The following LMTK2 variants were observed in gnomAD, a reference collection of about 807,000 sequenced individuals.
The protein encoded by LMTK2 is serine/threonine-protein kinase LMTK2.
A neutral mutation model predicts 127.5 loss-of-function variants in LMTK2; 37 were observed. The ratio of observed to expected loss-of-function variants is 0.29; its 90% CI spans 0.22 to 0.38. The LOEUF is 0.38. Ranked by LOEUF, LMTK2 falls within the 10% of genes least tolerant of loss-of-function variation. The probability of loss-of-function intolerance (pLI) is 1.00; values close to 1 mark genes in which losing one functional copy is unlikely to be tolerated. For missense variants in LMTK2, 1,694 were observed against 1,920.3 expected (o/e 0.88, Z 2.20); for synonymous variants, 819 against 810.1 (o/e 1.01, Z -0.19).
At position 98,193,642 on chromosome 7, in the gene LMTK2, G is replaced by A. The variant is rs201178237; in HGVS notation, c.3177G>A (p.Thr1059=). The change falls in exon 11 of 14, where the codon ACG becomes ACA. Residue 1059 remains threonine, a synonymous_variant. Transcript: ENST00000297293. The surrounding 1 kb of genome is among the most constrained non-coding windows in gnomAD (Gnocchi z 4.1). ...EGTADSEPAT[T]GDGGHSGLPP... is the part of the protein sequence containing the mutation. ...CCGCAGACTCAGAACCAGCCACCAC[G>A]GGCGATGGCGGCCACAGCGGTCTGC... The A allele has an allele frequency of 3.7e-6, 6 of 1,613,978 alleles. No homozygotes were observed. In the African/African-American group the frequency reaches 4.0e-5, roughly 11 times the overall value.
chr7:98,197,409 C>T (rs903695414), intron 11 of LMTK2, among the ~76,000 whole-genome samples: 3 of 152,382 alleles, frequency 2.0e-5, no homozygotes, highest in East Asian at 1.9e-4. Context: ...TGCACCTTTA[C>T]AATCTGCAGC....
intron 5 of LMTK2, among the ~76,000 whole-genome samples, chr7:98,157,927 G>A (rs1298291017): frequency 6.6e-6 from 1 of 152,188 alleles, no homozygotes; most frequent in African/African-American, 2.4e-5. Context: ...CTGGCATGGA[G>A]CCCTGCACAC....
chr7:98,177,910 C>T (rs1797299367), intron 7 of LMTK2, among the ~76,000 whole-genome samples: 3 of 152,222 alleles, frequency 2.0e-5, no homozygotes, highest in African/African-American at 7.2e-5. Context: ...TCTCCTGGTA[C>T]GTCTCCATCC....
At chr7:98,107,928 T>G (rs948573759) in intron 1 of LMTK2, among the ~76,000 whole-genome samples, 3 of 152,142 alleles carry the variant, frequency 2.0e-5, no homozygotes, top group Non-Finnish European at 4.4e-5. Context: ...TGTATGATTT[T>G]CTTTTCTCCC....
rs1797598958 is a variant in LMTK2, at chr7:98,194,609, C to T, written c.4107+37C>T. ...CTCTAAATCATTTTCTATACACATC[C>T]ATATAAGGATTCCAAAATGTGCTAG... is the stretch of plus-strand genomic sequence containing the variant. On this transcript the variant is annotated intron_variant, in intron 11 of 13. Transcript: ENST00000297293. This position sits in a 1 kb window ranked among gnomAD's most constrained non-coding sequence, Gnocchi z 5.4. 2 of 1,511,638 alleles carry T rather than the reference C, an allele frequency of 1.3e-6. No individual in the cohort carries two copies. The highest frequency in any genetic ancestry group is 1.8e-6 in the Non-Finnish European group (2 of 1,126,272). 93.6% of individuals were successfully genotyped at this position (1,511,638 alleles called of 1,614,324 possible).
At chr7:98,165,962 G>A (rs117041094) in intron 6 of LMTK2, among the ~76,000 whole-genome samples, 1,851 of 152,230 alleles carry the variant, frequency 0.012, 17 homozygotes, top group Admixed American at 0.02. Context: ...GGGGGTGATT[G>A]GGTCGGGGGT....
chr7:98,208,117 AAAC>A lies in LMTK2; in HGVS notation c.*2628_*2630del, dbSNP rs1251141448. 2 of 152,058 alleles carry A rather than the reference AAAC, an allele frequency of 1.3e-5. No homozygotes were observed. The highest frequency in any genetic ancestry group is 6.6e-5 in the Admixed American group (1 of 15,260). The allele number at this position is 152,058 out of a possible 1,614,324, so 9.4% of individuals were successfully genotyped here. Reference sequence around the variant, plus strand: ...CAGCCAGACCCTGTCTCAAAAAAAAAAACAATTTTTTTCATAACATAATTCCCA... The same window carrying A: ...CAGCCAGACCCTGTCTCAAAAAAAAAAATTTTTTTCATAACATAATTCCCA... On this transcript the variant is annotated 3_prime_UTR_variant, in exon 14 of 14. Coordinates refer to ENST00000297293, the MANE Select transcript of LMTK2 (RefSeq NM_014916.4).
intron 1 of LMTK2, among the ~76,000 whole-genome samples, chr7:98,109,933 G>C (rs1796176297): frequency 6.6e-6 from 1 of 151,994 alleles, no homozygotes; most frequent in Admixed American, 6.6e-5. Context: ...GGTTAAAAAA[G>C]AGGAATCCCG....
chr7:98,163,912 A>C (rs917545341), intron 6 of LMTK2, among the ~76,000 whole-genome samples: 1 of 152,224 alleles, frequency 6.6e-6, no homozygotes, highest in Non-Finnish European at 1.5e-5. Flanking sequence ...AGGACCGGCT[A>C]TCGCTGCCTG....
At chr7:98,150,613 G>T (rs573806337) in intron 3 of LMTK2, among the ~76,000 whole-genome samples, 4 of 152,322 alleles carry the variant, frequency 2.6e-5, no homozygotes, top group African/African-American at 9.6e-5. Flanking sequence ...ATGAATGTCT[G>T]TCCACTTGTG....
intron 4 of LMTK2, 76 bp from the exon 5 acceptor site, chr7:98,154,682 C>T (rs2116392959): frequency 1.1e-6 from 1 of 907,708 alleles, no homozygotes; most frequent in East Asian, 2.4e-5. Context: ...CACCTGTGTT[C>T]CATTTCCCGG....
At chr7:98,165,509 G>A (rs907526544) in intron 6 of LMTK2, among the ~76,000 whole-genome samples, 5 of 152,100 alleles carry the variant, frequency 3.3e-5, no homozygotes, top group Non-Finnish European at 7.4e-5. Flanking sequence ...TAGAAATGGG[G>A]TCTCACTATA....
chr7:98,197,923 T>C (rs1262744730), intron 11 of LMTK2, among the ~76,000 whole-genome samples: 4 of 152,314 alleles, frequency 2.6e-5, no homozygotes, highest in Non-Finnish European at 5.9e-5. Context: ...GTTTTGTTTG[T>C]TTGCTGGCAC....
chr7:98,116,825 G>T (rs1188813019), intron 1 of LMTK2, among the ~76,000 whole-genome samples: 1 of 152,120 alleles, frequency 6.6e-6, no homozygotes, highest in East Asian at 1.9e-4. Flanking sequence ...TATGCCCCTT[G>T]GGCTCCCCCA....
At position 98,203,583 on chromosome 7, in the gene LMTK2, A is replaced by C; in HGVS notation, c.4117A>C (p.Thr1373Pro). 1.3e-6 allele frequency: 2 copies of C among 1,587,034 alleles called. No homozygotes were observed. Among genetic ancestry groups the C allele is most frequent in the Non-Finnish European group, 1.7e-6 (2 of 1,172,144 alleles). ...TVYLFDQETP[T>P]KELGPCGGEA... ...CTGTTTGACTTTTCAGGAGACCCCAACCAAAGAGCTGGGGCCCTGTGGAGG... is the reference window on the plus strand; with the variant it reads ...CTGTTTGACTTTTCAGGAGACCCCACCCAAAGAGCTGGGGCCCTGTGGAGG... Residue 1373 changes from threonine to proline, a missense_variant, in exon 12 of 14, where the codon ACC (threonine) becomes CCC (proline). Thr to Pro is a conservative substitution (Grantham distance 38, BLOSUM62 -1). This residue lies in a region of LMTK2 where 554 missense variants were observed against 567.7 expected (regional missense o/e 0.98). Coordinates refer to ENST00000297293, the MANE Select transcript of LMTK2 (RefSeq NM_014916.4).
At chr7:98,205,203 T>C (rs928277694) in intron 13 of LMTK2, among the ~76,000 whole-genome samples, 1 of 152,244 alleles carries the variant, frequency 6.6e-6, no homozygotes, top group South Asian at 2.1e-4. Flanking sequence ...TGCCAGTCTG[T>C]CGGGGCAGAT....
Position 98,193,909 on chromosome 7 carries a change from C to T in LMTK2, c.3444C>T (p.Ala1148=), listed in dbSNP as rs1384441450. 1 of 1,614,140 alleles carries T rather than the reference C, an allele frequency of 6.2e-7. No individual in the cohort carries two copies. Among genetic ancestry groups the T allele is most frequent in the Non-Finnish European group, 8.5e-7 (1 of 1,180,036 alleles). ...EPVLPEQSPA[A]QDSCLEARKS... is the part of the protein sequence containing the mutation. ...TCCTCCCCGAGCAAAGTCCTGCTGC[C>T]CAGGATAGCTGCCTGGAAGCCAGAA... The change falls in exon 11 of 14, where the codon GCC becomes GCT. Residue 1148 remains alanine, a synonymous_variant. Transcript: ENST00000297293. This position sits in a 1 kb window ranked among gnomAD's most constrained non-coding sequence, Gnocchi z 4.1.
chr7:98,185,238 G>A (rs1189003729), intron 8 of LMTK2, 103 bp downstream of exon 8: 11 of 779,586 alleles, frequency 1.4e-5, no homozygotes, highest in Non-Finnish European at 2.3e-5. Context: ...TAGTCGCTAG[G>A]CTTTCTGGAG....
chr7:98,119,109 A>G (rs1187257472), intron 1 of LMTK2, among the ~76,000 whole-genome samples: 1 of 151,658 alleles, frequency 6.6e-6, no homozygotes, highest in Non-Finnish European at 1.5e-5. Flanking sequence ...AAAAAAAAAA[A>G]AGAAATGCAG....
Sources: allele counts gnomAD v4.1 joint callset (sites outside exome capture counted in the v4.1 genomes callset), GRCh38; gene constraint gnomAD v4.1.1; regional missense constraint gnomAD v4.1.1; non-coding constraint Gnocchi (gnomAD v3.1); transcripts MANE v1.5; gene names NCBI Gene and HGNC (gene_info 2026-07-23, HGNC 2026-07-21).